PRPF3: variants seen among roughly 807,000 people sequenced by gnomAD.
The protein encoded by PRPF3 is pre-mRNA processing factor 3.
A neutral mutation model predicts 89.2 loss-of-function variants in PRPF3; 3 were observed. The observed-to-expected ratio is 0.03, with a 90% CI of 0.02 to 0.09. PRPF3 has a LOEUF of 0.09. PRPF3 is among the 10% of genes least tolerant of loss of function. The pLI, the probability that PRPF3 is intolerant of heterozygous loss-of-function variation, is 1.00. For missense variants in PRPF3, 463 were observed against 828.8 expected (o/e 0.56, Z 5.42); for synonymous variants, 270 against 289.1 (o/e 0.93, Z 0.67).
Position 150,333,208 on chromosome 1 carries a change from C to G in PRPF3, c.728+9C>G. ...ATGGGCATTGCTCCCCCGTGAGTGT[C>G]TATTTCATGGAATACCTTTTCATTT... On this transcript the variant is annotated intron_variant, in intron 6 of 15. Coordinates refer to ENST00000324862, the MANE Select transcript of PRPF3 (RefSeq NM_004698.4). 1 of 1,612,726 alleles carries G rather than the reference C, an allele frequency of 6.2e-7. No individual in the cohort carries two copies. Among genetic ancestry groups the G allele is most frequent in the Non-Finnish European group, 8.5e-7 (1 of 1,178,836 alleles).
chr1:150,342,138 T>C (rs112334500), intron 9 of PRPF3, among the ~76,000 whole-genome samples: 1 of 151,698 alleles, frequency 6.6e-6, no homozygotes, highest in Admixed American at 6.6e-5. Flanking sequence ...TCCCAGCACT[T>C]TGGGAGGCCG....
intron 8 of PRPF3, among the ~76,000 whole-genome samples, chr1:150,339,087 T>C (rs1657379748): frequency 1.3e-5 from 2 of 151,994 alleles, no homozygotes; most frequent in South Asian, 4.1e-4. Flanking sequence ...CATATAAGGC[T>C]GGGCTCGGTG....
In PRPF3 at chr1:150,338,152, GT is replaced by G. The variant is rs1657258552; in HGVS notation, c.1036-3del. 6.2e-7 allele frequency: 1 copy of G among 1,612,582 alleles called. No homozygotes were observed. Among genetic ancestry groups the G allele is most frequent in the East Asian group, 2.2e-5 (1 of 44,760 alleles). The stretch of plus-strand genomic sequence containing the variant: ...TTATCTTTCTGTCTTGGATTATCTT[GT>G]TTTTAGGCTCAACTGGAGAAGCTAC... On this transcript the variant is annotated splice_polypyrimidine_tract_variant and splice_region_variant and intron_variant, in intron 7 of 15. Coordinates refer to ENST00000324862, the MANE Select transcript of PRPF3 (RefSeq NM_004698.4).
intron 9 of PRPF3, among the ~76,000 whole-genome samples, chr1:150,342,054 C>CAGCTTA (rs1360911904): frequency 1.3e-5 from 2 of 151,736 alleles, no homozygotes; most frequent in Non-Finnish European, 2.9e-5. Context: ...GGGGGTTTAA[C>CAGCTTA]AGCTTAAAGG....
chr1:150,343,741 G>A lies in PRPF3; in HGVS notation c.1426+289G>A, dbSNP rs80042948. Among the ~76,000 whole-genome samples, 1,282 of 152,224 alleles carry A rather than the reference G, an allele frequency of 8.4e-3. 25 individuals are homozygous for A. The highest frequency in any genetic ancestry group is 0.03 in the African/African-American group (1,226 of 41,532). On this transcript the variant is annotated intron_variant, in intron 10 of 15. Transcript: ENST00000324862. ...TGGAGATAGTAGTTGCAGTATTTGC[G>A]TAGACTTTTTATGTACATAATTCTT...
chr1:150,344,389 C>A, intron 11 of PRPF3, 45 bp from the exon 12 acceptor site: 1 of 1,614,162 alleles, frequency 6.2e-7, no homozygotes, highest in Non-Finnish European at 8.5e-7. Flanking sequence ...TGCCTCTGAT[C>A]TTCAATGCCT....
chr1:150,351,854 A>G (rs904998052), intron 15 of PRPF3, among the ~76,000 whole-genome samples: 34 of 151,650 alleles, frequency 2.2e-4, no homozygotes, highest in Non-Finnish European at 4.0e-4. Context: ...ATTTTCTTCT[A>G]TTTATCTCTG....
At chr1:150,326,012 T>C (rs1405571136) in intron 3 of PRPF3, 131 bp downstream of exon 3, 2 of 1,151,110 alleles carry the variant, frequency 1.7e-6, no homozygotes, top group East Asian at 2.6e-5. Flanking sequence ...ACTTAGACAT[T>C]AGAGTAGGAG....
chr1:150,330,846 A>T (rs1553865278), intron 4 of PRPF3, among the ~76,000 whole-genome samples: 1 of 150,028 alleles, frequency 6.7e-6, no homozygotes, highest in African/African-American at 2.5e-5. Context: ...TCCCTTGAGT[A>T]GCTGGGATTA....
chr1:150,326,315 G>C (rs1238352800), intron 3 of PRPF3, among the ~76,000 whole-genome samples: 1 of 152,114 alleles, frequency 6.6e-6, no homozygotes, highest in East Asian at 1.9e-4. Flanking sequence ...TGCACTTGTA[G>C]ATAGAATACC....
Position 150,325,650 on chromosome 1 carries a change from C to A in PRPF3, c.146-101C>A, listed in dbSNP as rs1007424790. On this transcript the variant is annotated intron_variant, in intron 2 of 15. Transcript: ENST00000324862. The stretch of plus-strand genomic sequence containing the variant: ...TACAAAAAACTTAAAATTTGTTTCA[C>A]TCCTGGGAATAAAATTCCAGTGTTG... 8.4e-5 allele frequency: 124 copies of A among 1,483,048 alleles called. 1 individual carries two copies. The Admixed American group carries it at 2.1e-3, about 25-fold the overall frequency. 91.9% of individuals were successfully genotyped at this position (1,483,048 alleles called of 1,614,324 possible).
At chr1:150,341,426 G>T (rs1219835663) in intron 9 of PRPF3, among the ~76,000 whole-genome samples, 1 of 121,014 alleles carries the variant, frequency 8.3e-6, no homozygotes, top group Non-Finnish European at 1.8e-5. Context: ...TTTTTTTGAG[G>T]AGGAGTTTCG....
At chr1:150,332,178 C>T (rs1246546393) in intron 4 of PRPF3, among the ~76,000 whole-genome samples, 5 of 151,074 alleles carry the variant, frequency 3.3e-5, no homozygotes, top group Admixed American at 6.6e-5. Flanking sequence ...GAGCCAAGAT[C>T]GCACCACTGC....
chr1:150,323,783 T>TTTC (rs1410763704), intron 1 of PRPF3, among the ~76,000 whole-genome samples: 2 of 147,998 alleles, frequency 1.4e-5, no homozygotes, highest in East Asian at 2.0e-4. Flanking sequence ...AACATTCTTT[T>TTTC]TTTTTTTTTT....
At position 150,344,261 on chromosome 1, in the gene PRPF3, A is replaced by C; in HGVS notation, c.1526A>C (p.Lys509Thr). The stretch of plus-strand genomic sequence containing the variant: ...AGAGCTCAGATGGCAAAAAGACAGA[A>C]GTAAGTGCCATGGGATTGGGTGGAA... ...HVRAQMAKRQ[K>T]AHEEANAARK... The change falls in exon 11 of 16, where the codon AAA (lysine) becomes ACA (threonine). Residue 509 changes from lysine to threonine, a missense_variant and splice_region_variant. Physicochemically the swap from Lys to Thr is moderately conservative, Grantham distance 78. Transcript: ENST00000324862. 6.2e-7 allele frequency: 1 copy of C among 1,614,162 alleles called. No individual in the cohort carries two copies. The highest frequency in any genetic ancestry group is 8.5e-7 in the Non-Finnish European group (1 of 1,180,002).
In PRPF3 at chr1:150,344,273, G is replaced by T. The variant is rs1553872252; in HGVS notation, c.1526+12G>T. ...GCAAAAAGACAGAAGTAAGTGCCAT[G>T]GGATTGGGTGGAAACCTCGGGCAAG... On this transcript the variant is annotated intron_variant, in intron 11 of 15. Transcript: ENST00000324862. The T allele has an allele frequency of 6.2e-7, 1 of 1,613,948 alleles. No homozygotes were observed. Among genetic ancestry groups the T allele is most frequent in the East Asian group, 2.2e-5 (1 of 44,892 alleles).
chr1:150,350,195 C>T (rs1560122879), intron 15 of PRPF3, among the ~76,000 whole-genome samples: 2 of 137,778 alleles, frequency 1.5e-5, no homozygotes, highest in South Asian at 4.6e-4. Context: ...TGTGCCCAGC[C>T]CCTCCATTTC....
chr1:150,348,140 T>C (rs1479395717), intron 14 of PRPF3, among the ~76,000 whole-genome samples: 1 of 151,986 alleles, frequency 6.6e-6, no homozygotes, highest in East Asian at 1.9e-4. Flanking sequence ...CCCAGCACTT[T>C]GGGAGGCCGA....
intron 8 of PRPF3, 136 bp from the exon 9 acceptor site, chr1:150,340,262 C>A: frequency 5.8e-6 from 4 of 686,280 alleles, no homozygotes; most frequent in Non-Finnish European, 1.0e-5. Context: ...ATTTTAGGTA[C>A]CTAAATGCTA....
Sources: allele counts gnomAD v4.1 joint callset (sites outside exome capture counted in the v4.1 genomes callset), GRCh38; gene constraint gnomAD v4.1.1; transcripts MANE v1.5; gene names NCBI Gene and HGNC (gene_info 2026-07-23, HGNC 2026-07-21).